ATE1: variants seen among roughly 807,000 people sequenced by gnomAD.
ATE1 encodes the protein arginyl-tRNA--protein transferase 1.
Under a neutral mutation model 70.5 loss-of-function variants are expected in ATE1, and 36 were observed. The observed-to-expected ratio is 0.51, with a 90% CI of 0.39 to 0.67. The LOEUF (loss-of-function observed/expected upper bound fraction) is 0.67, where lower values mean the gene tolerates loss of function less well. ATE1 is among the 30% of genes least tolerant of loss of function. The pLI, the probability that ATE1 is intolerant of heterozygous loss-of-function variation, is 0.00. For synonymous variants in ATE1, 232 were observed against 219.3 expected (o/e 1.06, Z -0.51); for missense variants, 593 against 629.5 (o/e 0.94, Z 0.62).
Position 121,740,889 on chromosome 10 carries a change from T to C in ATE1, c.*2791A>G, listed in dbSNP as rs1944127896. 1 of 152,254 alleles carries C rather than the reference T, an allele frequency of 6.6e-6. No homozygotes were observed. Among genetic ancestry groups the C allele is most frequent in the Non-Finnish European group, 1.5e-5 (1 of 68,050 alleles). 9.4% of individuals were successfully genotyped at this position (152,254 alleles called of 1,614,324 possible). ...TCAAATGTACAACATATTTATCTGA[T>C]ATCATCTATCTTTTAGAATACAAAA... On this transcript the variant is annotated 3_prime_UTR_variant, in exon 12 of 12. Coordinates refer to ENST00000224652, the MANE Select transcript of ATE1 (RefSeq NM_001001976.3).
At chr10:121,838,698 C>T (rs150986953) in intron 9 of ATE1, among the ~76,000 whole-genome samples, 20 of 152,152 alleles carry the variant, frequency 1.3e-4, no homozygotes, top group Admixed American at 4.6e-4. Flanking sequence ...TTGGACAAAC[C>T]AGAAACCTGT....
intron 10 of ATE1, among the ~76,000 whole-genome samples, chr10:121,832,289 G>A (rs1948269930): frequency 6.6e-6 from 1 of 152,146 alleles, no homozygotes; most frequent in African/African-American, 2.4e-5. Flanking sequence ...ATAAATACCT[G>A]AGCTCAAAGA....
At chr10:121,813,622 C>A (rs1316285679) in intron 10 of ATE1, among the ~76,000 whole-genome samples, 9 of 152,174 alleles carry the variant, frequency 5.9e-5, no homozygotes, top group Non-Finnish European at 1.3e-4. Flanking sequence ...GTCAGGCCTC[C>A]AGAGAATTCC....
intron 1 of ATE1, 56 bp from the exon 2 acceptor site, chr10:121,924,385 AT>A: frequency 1.3e-6 from 2 of 1,530,566 alleles, no homozygotes; most frequent in East Asian, 4.5e-5. Flanking sequence ...TCTTTTTTAA[AT>A]TCAAAGTGTG....
upstream of ATE1, chr10:121,928,443 G>A: frequency 6.6e-7 from 1 of 1,517,032 alleles, no homozygotes; most frequent in South Asian, 1.2e-5. Flanking sequence ...GCCGCCGCGA[G>A]GGTCCGCTCG....
At chr10:121,775,460 C>T (rs535454886) in intron 11 of ATE1, among the ~76,000 whole-genome samples, 12 of 151,944 alleles carry the variant, frequency 7.9e-5, no homozygotes, top group South Asian at 2.1e-4. Flanking sequence ...CTGCACATCC[C>T]GGAACTTAAA....
At chr10:121,799,752 A>G (rs1203969026) in intron 10 of ATE1, among the ~76,000 whole-genome samples, 4 of 152,274 alleles carry the variant, frequency 2.6e-5, no homozygotes, top group Non-Finnish European at 5.9e-5. Flanking sequence ...TATTAGCTGG[A>G]GAAATATTAT....
intron 10 of ATE1, among the ~76,000 whole-genome samples, chr10:121,831,518 G>A (rs371093653): frequency 3.9e-5 from 6 of 152,188 alleles, no homozygotes; most frequent in African/African-American, 9.6e-5. Flanking sequence ...TGTCAGCTCC[G>A]CAAGTCAGGC....
chr10:121,864,878 A>C (rs1430366777), intron 8 of ATE1, among the ~76,000 whole-genome samples: 11 of 152,158 alleles, frequency 7.2e-5, no homozygotes, highest in Non-Finnish European at 2.9e-5. Context: ...AGTGAGCAGA[A>C]GCCAGAGATG....
intron 5 of ATE1, among the ~76,000 whole-genome samples, chr10:121,902,935 A>G (rs1951040336): frequency 6.6e-6 from 1 of 151,910 alleles, no homozygotes; most frequent in African/African-American, 2.4e-5. Flanking sequence ...GCATGATCTC[A>G]GCTCACTGCA....
At chr10:121,854,291 C>G (rs1438319369) in intron 8 of ATE1, among the ~76,000 whole-genome samples, 4 of 152,172 alleles carry the variant, frequency 2.6e-5, no homozygotes, top group Non-Finnish European at 5.9e-5. Context: ...TTAATATCTG[C>G]ACATATTCTT....
intron 11 of ATE1, among the ~76,000 whole-genome samples, chr10:121,758,024 CA>C (rs1352703868): frequency 5.8e-4 from 88 of 152,158 alleles, no homozygotes; most frequent in African/African-American, 2.0e-3. Context: ...ACCAGTTGCA[CA>C]GTAACGGAAA....
At chr10:121,917,196 C>T (rs1470020067) in intron 3 of ATE1, among the ~76,000 whole-genome samples, 1 of 152,036 alleles carries the variant, frequency 6.6e-6, no homozygotes, top group Non-Finnish European at 1.5e-5. Flanking sequence ...GACCGTGATG[C>T]TTCAGGTGCA....
At chr10:121,922,532 G>T in intron 2 of ATE1, 121 bp from the exon 3 acceptor site, 1 of 642,804 alleles carries the variant, frequency 1.6e-6, no homozygotes, top group Non-Finnish European at 2.8e-6. Flanking sequence ...AATGCATGTA[G>T]GTTTAATTAC....
chr10:121,923,194 G>A (rs1343821260), intron 2 of ATE1, among the ~76,000 whole-genome samples: 2 of 152,156 alleles, frequency 1.3e-5, no homozygotes, highest in Non-Finnish European at 2.9e-5. Context: ...GTTCTGGCCA[G>A]GCATGGTGGT....
chr10:121,891,071 A>C (rs1476874328), intron 7 of ATE1, among the ~76,000 whole-genome samples: 3 of 152,114 alleles, frequency 2.0e-5, no homozygotes, highest in African/African-American at 7.2e-5. Context: ...ACACGAGGAG[A>C]GGGTTTAGGA....
chr10:121,871,900 T>C (rs771825956), intron 7 of ATE1, among the ~76,000 whole-genome samples: 15 of 152,234 alleles, frequency 9.9e-5, no homozygotes, highest in Non-Finnish European at 1.6e-4. Context: ...CAAATAATTT[T>C]ATTGAAATTT....
rs1944126169 is a variant in ATE1, at chr10:121,740,811, A to G, written c.*2869T>C. 1.3e-5 allele frequency: 2 copies of G among 152,252 alleles called. No homozygotes were observed. Among genetic ancestry groups the G allele is most frequent in the South Asian group, 2.1e-4 (1 of 4,836 alleles). The allele number at this position is 152,252 out of a possible 1,614,324, so 9.4% of individuals were successfully genotyped here. A position where few individuals can be genotyped will look rare whatever the true frequency, so the allele number is the denominator to read the frequency against. On this transcript the variant is annotated 3_prime_UTR_variant, in exon 12 of 12. Transcript: ENST00000224652. Reference sequence around the variant, plus strand: ...AATATTTGCAAAATGAATGAAAAATAGGATAAAGCTATTTAAAAGTCAACA... The same window carrying G: ...AATATTTGCAAAATGAATGAAAAATGGGATAAAGCTATTTAAAAGTCAACA...
In ATE1 at chr10:121,924,313, G is replaced by A. The variant is rs373851117; in HGVS notation, c.123C>T (p.Ser41=). Residue 41 remains serine (S), a synonymous_variant, in exon 2 of 12, where the codon TCC becomes TCT. Transcript: ENST00000224652. ...GSRSNGMWAH[S]MTVQDYQDLI... ...GATCCTGATAATCCTGTACTGTCAT[G>A]GAATGTGCCCACATGCCTGAAAAAA... The A allele has an allele frequency of 6.2e-7, 1 of 1,613,884 alleles. No individual in the cohort carries two copies. Among genetic ancestry groups the A allele is most frequent in the Non-Finnish European group, 8.5e-7 (1 of 1,179,900 alleles).
Sources: gnomAD v4.1 joint callset for allele counts (sites outside exome capture counted in the v4.1 genomes callset) on GRCh38, gnomAD v4.1.1 for gene constraint, MANE v1.5 for transcripts, NCBI Gene and HGNC (gene_info 2026-07-23, HGNC 2026-07-21) for gene names.